The following SYCE1L variants were observed in gnomAD, a reference collection of about 807,000 sequenced individuals.
SYCE1L encodes the protein synaptonemal complex central element protein 1-like.
A neutral mutation model predicts 39.6 loss-of-function variants in SYCE1L; 51 were observed. That is an observed-to-expected ratio of 1.29 (90% CI 1.03 to 1.63). The LOEUF (loss-of-function observed/expected upper bound fraction) is 1.63, where lower values mean the gene tolerates loss of function less well. Ranked by LOEUF, SYCE1L falls within the 40% of genes most tolerant of loss-of-function variation. The pLI is 0.00. For synonymous variants in SYCE1L, 147 were observed against 122.4 expected (o/e 1.20, Z -1.33); for missense variants, 426 against 304.9 (o/e 1.40, Z -2.96).
At chr16:77,202,569 T>G (rs908797038) in intron 1 of SYCE1L, among the ~76,000 whole-genome samples, 1 of 152,174 alleles carries the variant, frequency 6.6e-6, no homozygotes, top group African/African-American at 2.4e-5. Context: ...GCAGAAATGG[T>G]TGCAAATGCC....
At chr16:77,200,106 C>G (rs959289518) in intron 1 of SYCE1L, 2 of 148,366 alleles carry the variant, frequency 1.3e-5, no homozygotes, top group Non-Finnish European at 3.0e-5. Flanking sequence ...CCGAGGCGGG[C>G]GGATCACGAG....
intron 4 of SYCE1L, among the ~76,000 whole-genome samples, 176 bp from the exon 5 acceptor site, chr16:77,208,921 G>A (rs186996910): frequency 2.0e-5 from 3 of 152,280 alleles, no homozygotes; most frequent in Non-Finnish European, 4.4e-5. Flanking sequence ...GGGCATAGAG[G>A]GGGAGAAGCT....
At chr16:77,208,360 C>T in intron 3 of SYCE1L, 91 bp downstream of exon 3, 1 of 1,538,034 alleles carries the variant, frequency 6.5e-7, no homozygotes, top group Non-Finnish European at 8.8e-7. Flanking sequence ...AAAATCTAGG[C>T]CCCTCTAGGG....
rs1020493882 is a variant in SYCE1L at position 77,199,409 on chromosome 16, C to G, written c.-43C>G. On this transcript the variant is annotated 5_prime_UTR_variant, in exon 1 of 11. Transcript: ENST00000378644. ...CACCCTCACGTGGTTTCTTTTTTAA[C>G]CAGTCATCAAGCGAGGCTCGCGCGC... 1.3e-6 allele frequency: 2 copies of G among 1,543,054 alleles called. No individual in the cohort carries two copies. Among genetic ancestry groups the G allele is most frequent in the Admixed American group, 2.0e-5 (1 of 50,312 alleles).
chr16:77,201,875 C>T (rs1298272461), intron 1 of SYCE1L: 2 of 151,876 alleles, frequency 1.3e-5, no homozygotes, highest in East Asian at 1.9e-4. Flanking sequence ...CAAAAGAGAT[C>T]GTATTTTTAT....
intron 10 of SYCE1L, 87 bp downstream of exon 10, chr16:77,212,733 T>G (rs1449991440): frequency 1.4e-6 from 2 of 1,415,588 alleles, no homozygotes; most frequent in Non-Finnish European, 1.8e-6. Flanking sequence ...CCCCCGAGAG[T>G]GGGGTCTGTG....
At position 77,212,657 on chromosome 16, in the gene SYCE1L, C is replaced by T. The variant is rs945236028; in HGVS notation, c.654+11C>T. On this transcript the variant is annotated intron_variant, in intron 10 of 10. Coordinates refer to ENST00000378644, the MANE Select transcript of SYCE1L (RefSeq NM_001129979.3). ...GCCGGCGAGGGAGAGGTAGGGAGCC[C>T]GAGGAAGGGAGGCGGGGCGGGCAGG... 22 of 1,528,970 alleles carry T rather than the reference C, an allele frequency of 1.4e-5. No homozygotes were observed. In the African/African-American group the frequency reaches 2.9e-4, roughly 20 times the overall value. The allele number at this position is 1,528,970 out of a possible 1,614,324, so 94.7% of individuals were successfully genotyped here.
Position 77,212,291 on chromosome 16 carries a change from T to C in SYCE1L, c.503T>C (p.Val168Ala), listed in dbSNP as rs2054829101. Reference protein sequence around the residue: ...KEQLLSERRLVRAKLREVERR... With the variant: ...KEQLLSERRLARAKLREVERR... ...GCCCGCCCACCGACAGGGAGGCTGG[T>C]GCGCGCCAAGCTGCGGGAGGTGGAG... is the stretch of plus-strand genomic sequence containing the variant. The change falls in exon 9 of 11, where the codon GTG becomes GCG. Residue 168 changes from valine (V) to alanine (A), a missense_variant. Coordinates refer to ENST00000378644, the MANE Select transcript of SYCE1L (RefSeq NM_001129979.3). The C allele has an allele frequency of 1.3e-6, 2 of 1,521,720 alleles. No individual in the cohort carries two copies. The highest frequency in any genetic ancestry group is 8.8e-7 in the Non-Finnish European group (1 of 1,135,784). The allele number at this position is 1,521,720 out of a possible 1,614,324, so 94.3% of individuals were successfully genotyped here.
chr16:77,203,492 TA>T (rs1420581871), intron 1 of SYCE1L, among the ~76,000 whole-genome samples: 1 of 150,948 alleles, frequency 6.6e-6, no homozygotes, highest in Non-Finnish European at 1.5e-5. Flanking sequence ...AAGCTCAGGT[TA>T]AAAAACCCTG....
At chr16:77,201,446 AG>A (rs1423339394) in intron 1 of SYCE1L, 7 of 152,358 alleles carry the variant, frequency 4.6e-5, no homozygotes, top group African/African-American at 1.4e-4. Context: ...GGCTTTATAA[AG>A]GGAAGCATAG....
At chr16:77,205,450 G>T (rs867307962) in intron 1 of SYCE1L, among the ~76,000 whole-genome samples, 1 of 79,968 alleles carries the variant, frequency 1.3e-5, no homozygotes, top group African/African-American at 3.1e-5. Flanking sequence ...ATATATATAT[G>T]TATACATACA....
rs1404973367 is a variant in SYCE1L at position 77,208,544 on chromosome 16, G to C, written c.256+5G>C. On this transcript the variant is annotated splice_donor_5th_base_variant and intron_variant, in intron 4 of 10. Transcript: ENST00000378644. ...TGCATAGGGAATTAGACTCCTGTAA[G>C]TGGGGCCAAAAGAGGGACCCATCAA... is the stretch of plus-strand genomic sequence containing the variant. 6.4e-7 allele frequency: 1 copy of C among 1,551,676 alleles called. No homozygotes were observed. Among genetic ancestry groups the C allele is most frequent in the Non-Finnish European group, 8.7e-7 (1 of 1,146,988 alleles).
intron 2 of SYCE1L, among the ~76,000 whole-genome samples, chr16:77,207,950 G>C (rs9933644): frequency 1.3e-5 from 2 of 151,694 alleles, no homozygotes; most frequent in Non-Finnish European, 2.9e-5. Flanking sequence ...TTACCCTTTT[G>C]CTCTTCAACA....
rs925383950 is a variant in SYCE1L at position 77,212,788 on chromosome 16, C to T, written c.655-69C>T. 4.9e-6 allele frequency: 7 copies of T among 1,431,238 alleles called. No individual in the cohort carries two copies. The African/African-American group carries it at 8.8e-5, about 18-fold the overall frequency. 88.7% of individuals were successfully genotyped at this position (1,431,238 alleles called of 1,614,324 possible). A position where few individuals can be genotyped will look rare whatever the true frequency, so the allele number is the denominator to read the frequency against. On this transcript the variant is annotated intron_variant, in intron 10 of 10. Coordinates refer to ENST00000378644, the MANE Select transcript of SYCE1L (RefSeq NM_001129979.3). ...GGACAGAGGAAGCCGCGGTGGAGGC[C>T]TAGGGCAGACGCGGGCGGACGCGAG...
In SYCE1L at chr16:77,201,702, T is replaced by G. The variant is rs530398315; in HGVS notation, c.61+2190T>G. ...AGAAGTAGTCACAGAAATTGCTAAG[T>G]CTAGGTTTATGTGTGCATGCTGTGG... On this transcript the variant is annotated intron_variant, in intron 1 of 10. Transcript: ENST00000378644. 5 of 152,272 alleles carry G rather than the reference T, an allele frequency of 3.3e-5. No homozygotes were observed. In the East Asian group the frequency reaches 7.7e-4, roughly 23 times the overall value. The allele number at this position is 152,272 out of a possible 1,614,324, so 9.4% of individuals were successfully genotyped here.
chr16:77,208,756 C>G (rs1166568915), intron 4 of SYCE1L, among the ~76,000 whole-genome samples: 2 of 152,236 alleles, frequency 1.3e-5, no homozygotes, highest in Non-Finnish European at 2.9e-5. Context: ...CCCGCCCTCT[C>G]TTGGTCATTC....
rs1392369699 is a variant in SYCE1L at position 77,206,518 on chromosome 16, T to G, written c.121+18T>G. Reference sequence around the variant, plus strand: ...GCAGAAAGGTCATGTGTCTCTTTGTTTCTGAGCCTCAGCCTGGGGTTTCAA... The same window carrying G: ...GCAGAAAGGTCATGTGTCTCTTTGTGTCTGAGCCTCAGCCTGGGGTTTCAA... On this transcript the variant is annotated intron_variant, in intron 2 of 10. Coordinates refer to ENST00000378644, the MANE Select transcript of SYCE1L (RefSeq NM_001129979.3). The G allele has an allele frequency of 7.1e-6, 11 of 1,551,614 alleles. No homozygotes were observed. Among genetic ancestry groups the G allele is most frequent in the Non-Finnish European group, 9.6e-6 (11 of 1,146,922 alleles).
At chr16:77,211,330 C>G in intron 7 of SYCE1L, 54 bp downstream of exon 7, 2 of 1,545,688 alleles carry the variant, frequency 1.3e-6, no homozygotes, top group East Asian at 2.4e-5. Context: ...GCTTTAGTGT[C>G]GCACTGACTG....
intron 1 of SYCE1L, among the ~76,000 whole-genome samples, chr16:77,203,273 G>A (rs1471529556): frequency 6.6e-6 from 1 of 152,126 alleles, no homozygotes; most frequent in African/African-American, 2.4e-5. Flanking sequence ...TTGGAGAAGG[G>A]GCTGCTGGTG....
Sources: gnomAD v4.1 joint callset for allele counts (sites outside exome capture counted in the v4.1 genomes callset) on GRCh38, gnomAD v4.1.1 for gene constraint, MANE v1.5 for transcripts, NCBI Gene and HGNC (gene_info 2026-07-23, HGNC 2026-07-21) for gene names.